OR2L13: variants seen among roughly 807,000 people sequenced by gnomAD.
The protein encoded by OR2L13 is olfactory receptor 2L13.
A neutral mutation model predicts 15.3 loss-of-function variants in OR2L13; 14 were observed. That is an observed-to-expected ratio of 0.91 (90% CI 0.60 to 1.43). The LOEUF is 1.43. Among genes scored for constraint, OR2L13 ranks in the 40% most tolerant of loss-of-function variants. OR2L13 has a pLI of 0.00. For missense variants in OR2L13, 367 were observed against 387.9 expected (o/e 0.95, Z 0.45); for synonymous variants, 152 against 142.9 (o/e 1.06, Z -0.45).
At chr1:247,988,694 G>A in the OR2L13 span, among the ~76,000 whole-genome samples, 2 of 151,964 alleles carry the variant, frequency 1.3e-5, no homozygotes, top group African/African-American at 4.8e-5. Context: ...GTCCTTTTAG[G>A]CATTCAGTGC....
chr1:247,965,300 T>C, the OR2L13 span: 1 of 1,457,636 alleles, frequency 6.9e-7, no homozygotes, highest in Non-Finnish European at 9.1e-7. Context: ...CATGTCATTT[T>C]ACTTTCTCTT....
chr1:247,945,455 T>A, the OR2L13 span, among the ~76,000 whole-genome samples: 1 of 152,130 alleles, frequency 6.6e-6, no homozygotes, highest in Non-Finnish European at 1.5e-5. Context: ...GTAAGTGCCA[T>A]ATGGTGGTGA....
chr1:248,036,379 T>C, the OR2L13 span, among the ~76,000 whole-genome samples: 1 of 152,222 alleles, frequency 6.6e-6, no homozygotes, highest in Non-Finnish European at 1.5e-5. Flanking sequence ...TAGCTAATGA[T>C]ATTTATTTGG....
At chr1:247,981,147 G>A in the OR2L13 span, among the ~76,000 whole-genome samples, 5 of 152,240 alleles carry the variant, frequency 3.3e-5, no homozygotes, top group African/African-American at 1.2e-4. Flanking sequence ...TGTGTTTTCT[G>A]GATGGGAAGC....
At chr1:247,962,979 C>G in the OR2L13 span, among the ~76,000 whole-genome samples, 1 of 152,066 alleles carries the variant, frequency 6.6e-6, no homozygotes, top group African/African-American at 2.4e-5. Flanking sequence ...TGCAAATGTT[C>G]TAGTCAGATT....
the OR2L13 span, among the ~76,000 whole-genome samples, chr1:247,982,634 A>T: frequency 6.6e-6 from 1 of 152,198 alleles, no homozygotes; most frequent in Non-Finnish European, 1.5e-5. Context: ...TTCTTCCAGT[A>T]GGGAAACTTT....
chr1:248,022,750 C>T, the OR2L13 span: 17 of 1,614,120 alleles, frequency 1.1e-5, no homozygotes, highest in Non-Finnish European at 1.4e-5. Flanking sequence ...CGATCTCTGA[C>T]AGAGGACAAG....
At chr1:248,081,441 C>T in the OR2L13 span, among the ~76,000 whole-genome samples, 1 of 151,978 alleles carries the variant, frequency 6.6e-6, no homozygotes, top group African/African-American at 2.4e-5. Flanking sequence ...GCTTAATTTT[C>T]TGGTTAGAAT....
chr1:247,966,296 A>G, the OR2L13 span: 3 of 1,613,576 alleles, frequency 1.9e-6, no homozygotes, highest in South Asian at 2.2e-5. Flanking sequence ...CTGTTGGGAT[A>G]TTGGATATGC....
chr1:248,020,761 AT>A, the OR2L13 span, among the ~76,000 whole-genome samples: 6 of 152,000 alleles, frequency 3.9e-5, no homozygotes, highest in Admixed American at 2.0e-4. Context: ...TGGAATTATT[AT>A]TTTTTTATAT....
chr1:248,024,342 A>G, the OR2L13 span: 1 of 152,248 alleles, frequency 6.6e-6, no homozygotes, highest in Non-Finnish European at 1.5e-5. Flanking sequence ...AATAAAAAAG[A>G]TGATAGAGTA....
chr1:248,009,147 C>G, the OR2L13 span, among the ~76,000 whole-genome samples: 2 of 151,940 alleles, frequency 1.3e-5, no homozygotes, highest in Non-Finnish European at 2.9e-5. Flanking sequence ...CAAACCCAAA[C>G]AAATTCAAAA....
the OR2L13 span, chr1:247,991,232 G>A: frequency 1.4e-6 from 2 of 1,450,850 alleles, no homozygotes; most frequent in South Asian, 2.3e-5. Context: ...TAGAGTCAAA[G>A]CGCTAGGTTC....
chr1:247,959,167 G>T, the OR2L13 span, among the ~76,000 whole-genome samples: 2 of 151,996 alleles, frequency 1.3e-5, no homozygotes, highest in African/African-American at 4.8e-5. Flanking sequence ...GCATTTGCTT[G>T]TCTGTAAAGT....
the OR2L13 span, among the ~76,000 whole-genome samples, chr1:248,028,135 C>T: frequency 3.6e-4 from 34 of 94,914 alleles, no homozygotes; most frequent in African/African-American, 1.6e-3. Context: ...AGCGAGATTC[C>T]GTCTCAAAAA....
chr1:248,008,708 A>C, the OR2L13 span, among the ~76,000 whole-genome samples: 28 of 152,200 alleles, frequency 1.8e-4, no homozygotes, highest in African/African-American at 5.8e-4. Flanking sequence ...TTACAGAACT[A>C]TTCACCCCAA....
the OR2L13 span, chr1:248,038,965 G>C: frequency 6.2e-7 from 1 of 1,614,090 alleles, no homozygotes. Context: ...GCAGAAGGGA[G>C]GAAGAAGGCC....
At chr1:247,970,497 A>T in the OR2L13 span, among the ~76,000 whole-genome samples, 1 of 151,962 alleles carries the variant, frequency 6.6e-6, no homozygotes, top group Non-Finnish European at 1.5e-5. Context: ...TGTATATAGG[A>T]TTTTTCCCCC....
At position 248,099,658 on chromosome 1, in the gene OR2L13, G is replaced by T. The variant is rs771380572; in HGVS notation, c.283G>T (p.Gly95Ter). 1 of 1,614,068 alleles carries T rather than the reference G, an allele frequency of 6.2e-7. No individual in the cohort carries two copies. The highest frequency in any genetic ancestry group is 8.5e-7 in the Non-Finnish European group (1 of 1,180,018). ...CGGCCAGAAAGGCATCTCCTTCCTG[G>T]GATGTGGTGTGCAAAGCTTCTTCTT... The change falls in exon 3 of 3, where the codon GGA becomes TGA. Residue 95 changes from glycine (G) to a stop codon, truncating the protein, a stop_gained. Transcript: ENST00000641714. LOFTEE classifies it high-confidence loss of function.
Sources: gnomAD v4.1 joint callset for allele counts (sites outside exome capture counted in the v4.1 genomes callset) on GRCh38, gnomAD v4.1.1 for gene constraint, MANE v1.5 for transcripts, NCBI Gene and HGNC (gene_info 2026-07-23, HGNC 2026-07-21) for gene names.